Variants in UBE2F observed in about 807,000 individuals in gnomAD.
UBE2F encodes the protein NEDD8-conjugating enzyme UBE2F.
In UBE2F, 5 loss-of-function variants were observed where a neutral mutation model predicts 29.6. That is an observed-to-expected ratio of 0.17 (90% CI 0.09 to 0.36). The LOEUF (loss-of-function observed/expected upper bound fraction) is 0.36. Ranked by LOEUF, UBE2F falls within the 10% of genes least tolerant of loss-of-function variation. The pLI is 1.00. For missense variants in UBE2F, 141 were observed against 228.5 expected (o/e 0.62, Z 2.47); for synonymous variants, 66 against 81.8 (o/e 0.81, Z 1.04).
chr2:238,016,513 C>CTT, intron 4 of UBE2F, 53 bp from the exon 5 acceptor site: 5 of 1,293,664 alleles, frequency 3.9e-6, no homozygotes, highest in African/African-American at 3.0e-5. Context: ...TTTTTGTTTC[C>CTT]TTTTTTTTTT....
chr2:237,994,856 T>C (rs1396670240), intron 4 of UBE2F, 47 bp downstream of exon 4: 1 of 1,500,498 alleles, frequency 6.7e-7, no homozygotes, highest in African/African-American at 1.4e-5. Context: ...CAGCGAATTA[T>C]AAAGGCTGCC....
chr2:237,981,913 G>T (rs372693485), intron 2 of UBE2F, among the ~76,000 whole-genome samples: 1 of 151,976 alleles, frequency 6.6e-6, no homozygotes, highest in Non-Finnish European at 1.5e-5. Flanking sequence ...AGGCATGAGC[G>T]CTGGGAGAGA....
At chr2:238,034,757 T>G (rs1443631373) in intron 8 of UBE2F, among the ~76,000 whole-genome samples, 3 of 152,188 alleles carry the variant, frequency 2.0e-5, no homozygotes, top group Admixed American at 2.0e-4. Context: ...GCCATATTAA[T>G]CTCCAGGAAC....
chr2:238,004,945 G>C (rs2063870219), intron 4 of UBE2F, among the ~76,000 whole-genome samples: 1 of 152,164 alleles, frequency 6.6e-6, no homozygotes, highest in East Asian at 1.9e-4. Flanking sequence ...TCTGACCGCT[G>C]ATAGTGCAAA....
At chr2:238,037,758 A>G (rs1468332183) in intron 9 of UBE2F, among the ~76,000 whole-genome samples, 1 of 152,090 alleles carries the variant, frequency 6.6e-6, no homozygotes, top group Non-Finnish European at 1.5e-5. Flanking sequence ...GGCATGCGCC[A>G]CCACACTGGG....
chr2:237,992,550 C>G (rs982710057), intron 3 of UBE2F, among the ~76,000 whole-genome samples: 4 of 152,152 alleles, frequency 2.6e-5, no homozygotes, highest in Non-Finnish European at 5.9e-5. Context: ...GAAAGGAAAC[C>G]CCACTATCAG....
intron 9 of UBE2F, among the ~76,000 whole-genome samples, chr2:238,039,239 A>C (rs1237283249): frequency 1.3e-5 from 2 of 152,232 alleles, no homozygotes; most frequent in Non-Finnish European, 2.9e-5. Flanking sequence ...CCATCTCAAA[A>C]AAATAATAAT....
intron 5 of UBE2F, among the ~76,000 whole-genome samples, chr2:238,021,401 A>G (rs1486862687): frequency 6.6e-6 from 1 of 152,194 alleles, no homozygotes; most frequent in Admixed American, 6.5e-5. Context: ...CAAAAATAGA[A>G]TAATAATAAC....
intron 5 of UBE2F, among the ~76,000 whole-genome samples, chr2:238,017,993 C>A (rs1157978867): frequency 6.6e-6 from 1 of 152,176 alleles, no homozygotes; most frequent in African/African-American, 2.4e-5. Flanking sequence ...ATTTAAGGTT[C>A]TTTTTGAAAT....
Position 238,036,081 on chromosome 2 carries a change from C to A in UBE2F, c.507+141C>A, listed in dbSNP as rs111934892. ...GCTGGAATTCAAAGCAATTTGTAAA[C>A]AATATGGTATAGTAAATGTGTGTAA... On this transcript the variant is annotated intron_variant, in intron 9 of 9. Coordinates refer to ENST00000272930, the MANE Select transcript of UBE2F (RefSeq NM_080678.3). The A allele has an allele frequency of 6.3e-3, 4,511 of 715,498 alleles. 151 individuals are homozygous for A. In the African/African-American group the frequency reaches 0.071, roughly 11 times the overall value. 44.3% of individuals were successfully genotyped at this position (715,498 alleles called of 1,614,324 possible). A position where few individuals can be genotyped will look rare whatever the true frequency, so the allele number is the denominator to read the frequency against.
At chr2:238,009,558 C>T (rs958062060) in intron 4 of UBE2F, among the ~76,000 whole-genome samples, 2 of 152,170 alleles carry the variant, frequency 1.3e-5, no homozygotes, top group South Asian at 2.1e-4. Flanking sequence ...GTGCTTTCCC[C>T]GTAACCGTCC....
intron 4 of UBE2F, among the ~76,000 whole-genome samples, chr2:238,002,063 ATTT>A (rs10695548): frequency 7.9e-6 from 1 of 126,190 alleles, no homozygotes; most frequent in Non-Finnish European, 1.6e-5. Flanking sequence ...GAATATCCCA[ATTT>A]TTTTTTTTTT....
intron 3 of UBE2F, among the ~76,000 whole-genome samples, chr2:237,992,678 A>G (rs1156713003): frequency 1.3e-5 from 2 of 152,220 alleles, no homozygotes; most frequent in African/African-American, 2.4e-5. Flanking sequence ...TTATTAATGT[A>G]GGAATTAACC....
chr2:237,973,858 T>C, intron 2 of UBE2F: 1 of 345,324 alleles, frequency 2.9e-6, no homozygotes, highest in Non-Finnish European at 4.4e-6. Context: ...CATTTATTCA[T>C]TTAGCAAACT....
intron 4 of UBE2F, chr2:238,003,407 C>T (rs1401741212): frequency 1.9e-5 from 9 of 470,812 alleles, no homozygotes; most frequent in African/African-American, 1.4e-4. Flanking sequence ...ACTGTGCCTA[C>T]TGAGTAGGCC....
At chr2:238,015,403 C>A (rs1359049301) in intron 4 of UBE2F, among the ~76,000 whole-genome samples, 1 of 152,014 alleles carries the variant, frequency 6.6e-6, no homozygotes, top group Admixed American at 6.5e-5. Flanking sequence ...AAAAGAAAAA[C>A]CTAAATGACC....
chr2:237,991,297 A>G (rs1330680103), intron 3 of UBE2F, among the ~76,000 whole-genome samples: 2 of 152,216 alleles, frequency 1.3e-5, no homozygotes, highest in East Asian at 1.9e-4. Context: ...CCACCAATGA[A>G]TAACCCTTTA....
At chr2:238,003,387 T>G (rs1427356663) in intron 4 of UBE2F, 2 of 471,074 alleles carry the variant, frequency 4.2e-6, no homozygotes, top group Non-Finnish European at 8.8e-6. Context: ...GGTGTGATGC[T>G]TCTTTGCTTA....
At chr2:238,038,766 C>T (rs867821885) in intron 9 of UBE2F, among the ~76,000 whole-genome samples, 4 of 152,246 alleles carry the variant, frequency 2.6e-5, no homozygotes, top group African/African-American at 4.8e-5. Flanking sequence ...CGTCTCCGTG[C>T]GGAGTCATAG....
Sources: gnomAD v4.1 joint callset for allele counts (sites outside exome capture counted in the v4.1 genomes callset) on GRCh38, gnomAD v4.1.1 for gene constraint, MANE v1.5 for transcripts, NCBI Gene and HGNC (gene_info 2026-07-23, HGNC 2026-07-21) for gene names.